Variants in THSD7A observed in about 807,000 individuals in gnomAD.
THSD7A encodes the protein thrombospondin type-1 domain-containing protein 7A.
THSD7A carries 96 observed loss-of-function variants against 231.3 expected under a neutral mutation model. That is an observed-to-expected ratio of 0.41 (90% CI 0.35 to 0.49). The LOEUF is 0.49. THSD7A is among the 20% of genes least tolerant of loss of function. THSD7A has a pLI of 0.05. For missense variants in THSD7A, 2,290 were observed against 2,070.2 expected (o/e 1.11, Z -2.06); for synonymous variants, 940 against 743.3 (o/e 1.26, Z -4.30).
chr7:11,473,082 G>C (rs1786001740), intron 8 of THSD7A, among the ~76,000 whole-genome samples: 1 of 152,040 alleles, frequency 6.6e-6, no homozygotes, highest in Admixed American at 6.6e-5. Flanking sequence ...ATGTGAAATA[G>C]TCTTTCAATT....
rs1260645431 is a variant in THSD7A at position 11,735,201 on chromosome 7, T to A, written c.190+96556A>T. Among the ~76,000 whole-genome samples, 3 of 151,962 alleles carry A rather than the reference T, an allele frequency of 2.0e-5. No homozygotes were observed. The South Asian group carries it at 6.2e-4, about 32-fold the overall frequency. The stretch of plus-strand genomic sequence containing the variant: ...ATAGTCACAACACTTTGTCACTTAT[T>A]TGGCACTTAAGAATATATTAGTTGG... On this transcript the variant is annotated intron_variant, in intron 1 of 27. Transcript: ENST00000423059.
intron 1 of THSD7A, among the ~76,000 whole-genome samples, chr7:11,671,045 T>C (rs1783368778): frequency 6.6e-6 from 1 of 152,152 alleles, no homozygotes; most frequent in South Asian, 2.1e-4. Context: ...TGTGAGCAGT[T>C]CTGGAGGCTA....
At chr7:11,576,399 C>A (rs1790906142) in intron 4 of THSD7A, among the ~76,000 whole-genome samples, 1 of 152,140 alleles carries the variant, frequency 6.6e-6, no homozygotes, top group Non-Finnish European at 1.5e-5. Context: ...AGAATATCTA[C>A]TATGGGGAAA....
chr7:11,709,951 G>A (rs1474007929), intron 1 of THSD7A, among the ~76,000 whole-genome samples: 1 of 150,790 alleles, frequency 6.6e-6, no homozygotes, highest in Non-Finnish European at 1.5e-5. Context: ...CTTGCTGACT[G>A]CTAACTCTTA....
intron 1 of THSD7A, among the ~76,000 whole-genome samples, chr7:11,694,744 T>C (rs944985291): frequency 6.0e-5 from 9 of 149,434 alleles, no homozygotes; most frequent in East Asian, 2.0e-4. Flanking sequence ...AATTAAAATA[T>C]GCAATATGCT....
intron 6 of THSD7A, among the ~76,000 whole-genome samples, chr7:11,538,575 C>G (rs891691719): frequency 6.6e-6 from 1 of 152,108 alleles, no homozygotes; most frequent in African/African-American, 2.4e-5. Context: ...GGGTCATTCC[C>G]CAGACCACAG....
At chr7:11,459,037 G>A (rs1785406178) in intron 11 of THSD7A, among the ~76,000 whole-genome samples, 1 of 152,114 alleles carries the variant, frequency 6.6e-6, no homozygotes, top group African/African-American at 2.4e-5. Flanking sequence ...TCACACTTGT[G>A]CTGCTTCTAC....
Position 11,375,845 on chromosome 7 carries a change from G to C in THSD7A, c.4923C>G (p.Asn1641Lys). ...KKPKKPQRRQ[N>K]NRLKPLTLAY... ...CTAAGGTTAAAGGTTTCAGTCGGTT[G>C]TTTTGCCTTCTTTGGGGTTTCTTTG... The change falls in exon 28 of 28, where the codon AAC becomes AAG. Residue 1641 changes from asparagine (N) to lysine (K), a missense_variant. Coordinates refer to ENST00000423059, the MANE Select transcript of THSD7A (RefSeq NM_015204.3). 6.2e-7 allele frequency: 1 copy of C among 1,612,782 alleles called. No individual in the cohort carries two copies. The highest frequency in any genetic ancestry group is 8.5e-7 in the Non-Finnish European group (1 of 1,179,080).
chr7:11,487,547 T>G (rs1490963971), intron 6 of THSD7A, among the ~76,000 whole-genome samples: 2 of 152,120 alleles, frequency 1.3e-5, no homozygotes, highest in African/African-American at 4.8e-5. Context: ...TTAGTCCATT[T>G]TCATGCTGCT....
At chr7:11,727,059 A>G (rs1781572823) in intron 1 of THSD7A, among the ~76,000 whole-genome samples, 1 of 151,998 alleles carries the variant, frequency 6.6e-6, no homozygotes, top group Non-Finnish European at 1.5e-5. Context: ...TTACTTTTGC[A>G]TTTAATCTTA....
In THSD7A at chr7:11,411,569, C is replaced by T. The variant is rs1416676376; in HGVS notation, c.3683-247G>A. ...GATGTCTACTTGAAAATCTTGATAG[C>T]TAGCCGTTTGGTGACACTGTGAAAA... On this transcript the variant is annotated intron_variant, in intron 18 of 27. Transcript: ENST00000423059. The surrounding 1 kb of genome is among the most constrained non-coding windows in gnomAD (Gnocchi z 4.1). Among the ~76,000 whole-genome samples the T allele has an allele frequency of 1.3e-5, 2 of 152,176 alleles. No homozygotes were observed. Among genetic ancestry groups the T allele is most frequent in the Non-Finnish European group, 2.9e-5 (2 of 68,026 alleles).
chr7:11,690,623 C>A (rs1780204067), intron 1 of THSD7A, among the ~76,000 whole-genome samples: 1 of 151,724 alleles, frequency 6.6e-6, no homozygotes, highest in South Asian at 2.1e-4. Flanking sequence ...TCCAGGGAAG[C>A]TATCTCAATT....
intron 2 of THSD7A, among the ~76,000 whole-genome samples, chr7:11,633,339 C>T (rs921163066): frequency 1.2e-4 from 18 of 152,178 alleles, no homozygotes; most frequent in African/African-American, 4.3e-4. Flanking sequence ...TTCTCTTCCA[C>T]TAGTTGTCAA....
chr7:11,630,382 AT>A (rs1435808760), intron 2 of THSD7A, among the ~76,000 whole-genome samples: 2 of 152,246 alleles, frequency 1.3e-5, no homozygotes, highest in Non-Finnish European at 2.9e-5. Flanking sequence ...CTAAGGCTGA[AT>A]TTATATAAAG....
chr7:11,692,870 T>C (rs962106906), intron 1 of THSD7A, among the ~76,000 whole-genome samples: 1 of 151,562 alleles, frequency 6.6e-6, no homozygotes, highest in African/African-American at 2.4e-5. Flanking sequence ...CTGAAATTCT[T>C]CAGGAGAAGA....
intron 26 of THSD7A, among the ~76,000 whole-genome samples, chr7:11,378,522 G>T (rs939937613): frequency 2.0e-5 from 3 of 152,162 alleles, no homozygotes; most frequent in Non-Finnish European, 4.4e-5. Context: ...AGAAGGGAAG[G>T]CTCCATTGTC....
At chr7:11,802,585 G>A (rs1784306312) in intron 1 of THSD7A, among the ~76,000 whole-genome samples, 1 of 151,992 alleles carries the variant, frequency 6.6e-6, no homozygotes, top group African/African-American at 2.4e-5. Context: ...GTTAAGAGTG[G>A]GCCAGAAAAT....
chr7:11,419,133 C>G (rs943009705), intron 16 of THSD7A, among the ~76,000 whole-genome samples: 2 of 152,084 alleles, frequency 1.3e-5, no homozygotes, highest in African/African-American at 4.8e-5. Flanking sequence ...ACCTATTGAC[C>G]AGAGTTAAGA....
At chr7:11,599,658 T>C (rs1465950584) in intron 2 of THSD7A, among the ~76,000 whole-genome samples, 2 of 152,194 alleles carry the variant, frequency 1.3e-5, no homozygotes, top group African/African-American at 4.8e-5. Flanking sequence ...ATTATGACCT[T>C]ACTATTGTCT....
Sources: allele counts gnomAD v4.1 joint callset (sites outside exome capture counted in the v4.1 genomes callset), GRCh38; gene constraint gnomAD v4.1.1; non-coding constraint Gnocchi (gnomAD v3.1); transcripts MANE v1.5; gene names NCBI Gene and HGNC (gene_info 2026-07-23, HGNC 2026-07-21).